MACROD2: variants seen among roughly 807,000 people sequenced by gnomAD.
MACROD2 encodes the protein ADP-ribose glycohydrolase MACROD2.
MACROD2 carries 36 observed loss-of-function variants against 70.4 expected under a neutral mutation model. The observed-to-expected ratio is 0.51, with a 90% CI of 0.39 to 0.68. MACROD2 has a LOEUF of 0.68. Among genes scored for constraint, MACROD2 ranks in the 30% least tolerant of loss-of-function variants. MACROD2 has a pLI of 0.00. For synonymous variants in MACROD2, 172 were observed against 178.8 expected, an observed-to-expected ratio of 0.96 and a Z score of 0.30; for missense variants, 496 against 538.4, an observed-to-expected ratio of 0.92 and a Z score of 0.78.
chr20:15,027,378 A>C (rs2122985131), intron 5 of MACROD2, among the ~76,000 whole-genome samples: 1 of 152,228 alleles, frequency 6.6e-6, no homozygotes, highest in African/African-American at 2.4e-5. Flanking sequence ...CTCTGTCCTA[A>C]GTCTGTGAAA....
At chr20:15,040,657 T>C (rs1042421086) in intron 5 of MACROD2, among the ~76,000 whole-genome samples, 30 of 152,208 alleles carry the variant, frequency 2.0e-4, no homozygotes, top group Non-Finnish European at 4.4e-5. Flanking sequence ...TCTACTTTTC[T>C]TCTATGGGTT....
intron 7 of MACROD2, among the ~76,000 whole-genome samples, chr20:15,485,903 T>C (rs1425372208): frequency 6.6e-6 from 1 of 152,196 alleles, no homozygotes; most frequent in Non-Finnish European, 1.5e-5. Flanking sequence ...AGATCTTGTA[T>C]GCAATTATTG....
chr20:14,211,358 T>C (rs1311840206), intron 3 of MACROD2, among the ~76,000 whole-genome samples: 2 of 152,192 alleles, frequency 1.3e-5, no homozygotes, highest in African/African-American at 2.4e-5. Flanking sequence ...TTTAACTCAT[T>C]TGGCAGCAAA....
At chr20:15,969,544 T>A (rs2147415171) in intron 13 of MACROD2, among the ~76,000 whole-genome samples, 1 of 152,238 alleles carries the variant, frequency 6.6e-6, no homozygotes. Flanking sequence ...ATAACTGAAA[T>A]TAAGAATTCA....
intron 4 of MACROD2, among the ~76,000 whole-genome samples, chr20:14,545,522 G>C (rs1031621481): frequency 6.6e-6 from 1 of 152,156 alleles, no homozygotes; most frequent in Non-Finnish European, 1.5e-5. Flanking sequence ...ATTATGAGAT[G>C]TGGCTTCTGG....
chr20:15,400,147 T>A (rs896953317), intron 6 of MACROD2, among the ~76,000 whole-genome samples: 3 of 152,248 alleles, frequency 2.0e-5, no homozygotes, highest in Admixed American at 6.5e-5. Flanking sequence ...TGTATTTGTC[T>A]CCTACATTGA....
At chr20:15,400,215 C>T (rs957282840) in intron 6 of MACROD2, among the ~76,000 whole-genome samples, 5 of 152,084 alleles carry the variant, frequency 3.3e-5, no homozygotes, top group African/African-American at 4.8e-5. Context: ...GTAGTGTAGT[C>T]GGTGAGCTTT....
At chr20:15,985,296 A>G (rs2066463523) in intron 13 of MACROD2, among the ~76,000 whole-genome samples, 1 of 152,164 alleles carries the variant, frequency 6.6e-6, no homozygotes, top group South Asian at 2.1e-4. Context: ...GCACACACAC[A>G]CTTTTACCAT....
At chr20:14,182,444 G>C (rs2081312283) in intron 3 of MACROD2, among the ~76,000 whole-genome samples, 1 of 151,760 alleles carries the variant, frequency 6.6e-6, no homozygotes, top group Non-Finnish European at 1.5e-5. Context: ...TCACTTTCTT[G>C]ATAGTGTCCT....
intron 2 of MACROD2, among the ~76,000 whole-genome samples, chr20:14,054,874 C>G (rs2053614402): frequency 6.6e-6 from 1 of 152,134 alleles, no homozygotes. Flanking sequence ...ATTTATCTGT[C>G]TTTGCCTTTC....
chr20:14,575,625 C>A (rs1031939841), intron 4 of MACROD2, among the ~76,000 whole-genome samples: 10 of 152,072 alleles, frequency 6.6e-5, no homozygotes, highest in Non-Finnish European at 1.3e-4. Flanking sequence ...AGTATTCATT[C>A]AAAGAATCTT....
intron 6 of MACROD2, among the ~76,000 whole-genome samples, chr20:15,399,798 C>T (rs1406554616): frequency 6.6e-6 from 1 of 152,214 alleles, no homozygotes; most frequent in Non-Finnish European, 1.5e-5. Context: ...GACCATCTCA[C>T]TATGTCATAG....
At chr20:15,162,877 C>T (rs1176905183) in intron 5 of MACROD2, among the ~76,000 whole-genome samples, 1 of 151,962 alleles carries the variant, frequency 6.6e-6, no homozygotes, top group East Asian at 1.9e-4. Context: ...GACAAGAAAG[C>T]TTGGTGATAA....
intron 3 of MACROD2, among the ~76,000 whole-genome samples, chr20:14,200,682 A>C (rs560309348): frequency 2.0e-5 from 3 of 152,362 alleles, no homozygotes; most frequent in Non-Finnish European, 1.5e-5. Flanking sequence ...ATTGTTGGTT[A>C]CATTTCTGCA....
intron 6 of MACROD2, among the ~76,000 whole-genome samples, chr20:15,305,220 T>C (rs1471586865): frequency 6.6e-6 from 1 of 151,720 alleles, no homozygotes; most frequent in East Asian, 1.9e-4. Flanking sequence ...TATCAAGAGT[T>C]CCTTTTATTT....
At chr20:14,423,794 C>CTT (rs1555790303) in intron 3 of MACROD2, among the ~76,000 whole-genome samples, 1 of 100,240 alleles carries the variant, frequency 1.0e-5, no homozygotes, top group Non-Finnish European at 2.0e-5. Flanking sequence ...CGGAGTTTCG[C>CTT]TCTTTTCGCC....
intron 5 of MACROD2, among the ~76,000 whole-genome samples, chr20:14,731,236 T>G (rs2071593729): frequency 6.6e-6 from 1 of 152,148 alleles, no homozygotes; most frequent in Non-Finnish European, 1.5e-5. Flanking sequence ...CTGAGACCTT[T>G]GCTGGCCTAC....
intron 3 of MACROD2, among the ~76,000 whole-genome samples, chr20:14,241,175 C>G (rs952645885): frequency 1.3e-5 from 2 of 152,122 alleles, no homozygotes; most frequent in African/African-American, 2.4e-5. Context: ...TTTGCTAACG[C>G]ATATTTTTCT....
chr20:14,002,824 C>G (rs1406617539), intron 2 of MACROD2, among the ~76,000 whole-genome samples: 2 of 151,770 alleles, frequency 1.3e-5, no homozygotes, highest in Non-Finnish European at 2.9e-5. Context: ...ATAGAAAAAC[C>G]AAAGAACATT....
Sources: allele counts gnomAD v4.1 joint callset (sites outside exome capture counted in the v4.1 genomes callset), GRCh38; gene constraint gnomAD v4.1.1; transcripts MANE v1.5; gene names NCBI Gene and HGNC (gene_info 2026-07-23, HGNC 2026-07-21).